NBAS: variants seen among roughly 807,000 people sequenced by gnomAD.
NBAS encodes NAG/BC035112 fusion.
In NBAS, 219 loss-of-function variants were observed where a neutral mutation model predicts 302.5. That is an observed-to-expected ratio of 0.72 (90% CI 0.65 to 0.81). The LOEUF (loss-of-function observed/expected upper bound fraction) is 0.81. NBAS is among the 30% of genes least tolerant of loss of function. The pLI, the probability that NBAS is intolerant of heterozygous loss-of-function variation, is 0.00. For missense variants in NBAS, 2,932 were observed against 2,841.6 expected (o/e 1.03, Z -0.72); for synonymous variants, 1,118 against 1,021.6 (o/e 1.09, Z -1.80).
intron 42 of NBAS, among the ~76,000 whole-genome samples, chr2:15,281,797 T>C (rs961893621): frequency 4.6e-5 from 7 of 152,222 alleles, no homozygotes; most frequent in Non-Finnish European, 8.8e-5. Flanking sequence ...TTCCTGTTTA[T>C]GTTTTGTGCC....
At chr2:15,474,439 T>A in intron 14 of NBAS, 115 bp from the exon 15 acceptor site, 3 of 1,110,844 alleles carry the variant, frequency 2.7e-6, no homozygotes, top group Non-Finnish European at 3.8e-6. Flanking sequence ...TTAAATCAGC[T>A]ATGTGATCAA....
chr2:15,280,088 CAGA>C (rs1558498936), intron 42 of NBAS, among the ~76,000 whole-genome samples: 1 of 152,120 alleles, frequency 6.6e-6, no homozygotes, highest in Admixed American at 6.5e-5. Context: ...GATTAACTAA[CAGA>C]AGAAGCCAGC....
the NBAS span, among the ~76,000 whole-genome samples, chr2:14,994,627 CTG>C: frequency 6.6e-6 from 1 of 152,230 alleles, no homozygotes; most frequent in African/African-American, 2.4e-5. Flanking sequence ...TCCCCTCACT[CTG>C]AGAGGTCCAC....
the NBAS span, among the ~76,000 whole-genome samples, chr2:14,990,994 G>C: frequency 6.6e-6 from 1 of 152,276 alleles, no homozygotes; most frequent in South Asian, 2.1e-4. Flanking sequence ...GGCTTGAAGT[G>C]GGAGTGGGAG....
chr2:15,240,542 G>A (rs890366053), intron 44 of NBAS, among the ~76,000 whole-genome samples: 3 of 151,830 alleles, frequency 2.0e-5, no homozygotes, highest in Non-Finnish European at 2.9e-5. Flanking sequence ...GCGTGAACCC[G>A]GCAGGCGGAG....
chr2:15,376,080 G>A (rs1201396054), intron 30 of NBAS, among the ~76,000 whole-genome samples: 1 of 152,098 alleles, frequency 6.6e-6, no homozygotes, highest in Non-Finnish European at 1.5e-5. Context: ...TGAGGAGGGA[G>A]ATTTATTGTC....
In NBAS at chr2:15,366,470, A is replaced by T. The variant is rs760366097; in HGVS notation, c.3817+110T>A. 320 of 1,067,160 alleles carry T rather than the reference A, an allele frequency of 3.0e-4. 2 individuals carry two copies. The highest frequency in any genetic ancestry group is 4.0e-5 in the Non-Finnish European group (28 of 698,828). The allele number at this position is 1,067,160 out of a possible 1,614,324, so 66.1% of individuals were successfully genotyped here. A position where few individuals can be genotyped will look rare whatever the true frequency, so the allele number is the denominator to read the frequency against. ...GCAACAGAGCGAGACCCTGTCTAAT[A>T]AAAAAGCTGTTCTTCTGACGCTGTA... is the stretch of plus-strand genomic sequence containing the variant. On this transcript the variant is annotated intron_variant, in intron 32 of 51. Coordinates refer to ENST00000281513, the MANE Select transcript of NBAS (RefSeq NM_015909.4).
At chr2:15,535,574 A>T (rs1322005144) in intron 8 of NBAS, among the ~76,000 whole-genome samples, 1 of 151,552 alleles carries the variant, frequency 6.6e-6, no homozygotes, top group Non-Finnish European at 1.5e-5. Context: ...AAAAATAAAA[A>T]AATAAAATAA....
At chr2:15,396,922 T>C (rs1362907559) in intron 26 of NBAS, among the ~76,000 whole-genome samples, 2 of 152,240 alleles carry the variant, frequency 1.3e-5, no homozygotes, top group Admixed American at 6.5e-5. Context: ...GGATTCCATA[T>C]ACTCAGAAAA....
chr2:15,273,024 G>A (rs1221211101), intron 44 of NBAS, among the ~76,000 whole-genome samples: 2 of 152,170 alleles, frequency 1.3e-5, no homozygotes, highest in African/African-American at 4.8e-5. Context: ...CTGTTGCCAA[G>A]TCTAAAACTC....
the NBAS span, among the ~76,000 whole-genome samples, chr2:14,910,734 A>G: frequency 1.3e-5 from 2 of 152,360 alleles, no homozygotes; most frequent in Non-Finnish European, 2.9e-5. Flanking sequence ...TTTGTGCCCA[A>G]GGATTTAATA....
the NBAS span, among the ~76,000 whole-genome samples, chr2:14,909,945 A>G: frequency 6.6e-6 from 1 of 152,170 alleles, no homozygotes; most frequent in Non-Finnish European, 1.5e-5. Flanking sequence ...GGCTCTGTCT[A>G]TTGCTGGCAG....
the NBAS span, among the ~76,000 whole-genome samples, chr2:14,935,235 C>T: frequency 6.6e-6 from 1 of 152,184 alleles, no homozygotes; most frequent in Non-Finnish European, 1.5e-5. Context: ...CCTCTGTTTA[C>T]ATGCGGGACC....
the NBAS span, among the ~76,000 whole-genome samples, chr2:15,093,839 G>A: frequency 6.6e-6 from 1 of 152,040 alleles, no homozygotes; most frequent in Admixed American, 6.5e-5. Flanking sequence ...AAAAGACTAT[G>A]TTTAAGCATA....
At position 15,327,816 on chromosome 2, in the gene NBAS, C is replaced by T. The variant is rs780136630; in HGVS notation, c.4516G>A (p.Val1506Ile). 1.9e-6 allele frequency: 3 copies of T among 1,613,566 alleles called. No individual in the cohort carries two copies. The highest frequency in any genetic ancestry group is 1.3e-5 in the African/African-American group (1 of 74,886). Residue 1506 changes from valine to isoleucine, a missense_variant, in exon 38 of 52, where the codon GTA (valine) becomes ATA (isoleucine). By Grantham distance (29) the Val-to-Ile change is conservative (BLOSUM62 3). Coordinates refer to ENST00000281513, the MANE Select transcript of NBAS (RefSeq NM_015909.4). ...QHVPVESFAE[V>I]LLRTGKLAEA... ...GCCAATTTTCCAGTTCTCAGCAATACTTCTGCAAAGCTTTCCACTGGAACA... is the reference window on the plus strand; with the variant it reads ...GCCAATTTTCCAGTTCTCAGCAATATTTCTGCAAAGCTTTCCACTGGAACA...
chr2:15,395,179 G>A (rs1437921269), intron 27 of NBAS, among the ~76,000 whole-genome samples: 1 of 152,068 alleles, frequency 6.6e-6, no homozygotes, highest in Admixed American at 6.6e-5. Flanking sequence ...TTGAGGTACT[G>A]ATGGCATATT....
the NBAS span, among the ~76,000 whole-genome samples, chr2:14,817,986 C>T: frequency 2.4e-3 from 364 of 152,232 alleles, no homozygotes; most frequent in African/African-American, 8.0e-3. Flanking sequence ...CATCTCTAAG[C>T]TCCTGATCAT....
At chr2:15,499,438 C>T (rs1681199340) in intron 11 of NBAS, among the ~76,000 whole-genome samples, 1 of 152,172 alleles carries the variant, frequency 6.6e-6, no homozygotes, top group Admixed American at 6.5e-5. Flanking sequence ...AAAAGAACAA[C>T]ACTATGTCCT....
downstream of NBAS, among the ~76,000 whole-genome samples, chr2:15,166,328 T>C (rs746265019): frequency 1.3e-5 from 2 of 152,150 alleles, no homozygotes; most frequent in African/African-American, 2.4e-5. Context: ...GGACATGAAA[T>C]GTGTCAACCT....
Sources: gnomAD v4.1 joint callset for allele counts (sites outside exome capture counted in the v4.1 genomes callset) on GRCh38, gnomAD v4.1.1 for gene constraint, MANE v1.5 for transcripts, NCBI Gene and HGNC (gene_info 2026-07-23, HGNC 2026-07-21) for gene names.